The following SYT3 variants were observed in gnomAD, a reference collection of about 807,000 sequenced individuals.
SYT3 encodes synaptotagmin-3.
Under a neutral mutation model 50.6 loss-of-function variants are expected in SYT3, and 25 were observed. That is an observed-to-expected ratio of 0.49 (90% CI 0.36 to 0.69). The LOEUF (loss-of-function observed/expected upper bound fraction) is 0.69. SYT3 is among the 30% of genes least tolerant of loss of function. SYT3 has a pLI of 0.00. For synonymous variants in SYT3, 323 were observed against 353.9 expected (o/e 0.91, Z 0.98); for missense variants, 589 against 793.6 (o/e 0.74, Z 3.10).
intron 6 of SYT3, 85 bp from the exon 7 acceptor site, chr19:50,626,102 C>T: frequency 1.3e-6 from 2 of 1,509,458 alleles, no homozygotes; most frequent in Non-Finnish European, 1.8e-6. Flanking sequence ...GAGCCTCCTG[C>T]TTTACACCCT....
chr19:50,649,893 C>T, the SYT3 span: 2 of 458,352 alleles, frequency 4.4e-6, no homozygotes, highest in South Asian at 1.6e-5. Flanking sequence ...GGCCCCACCG[C>T]CAACCCAGTC....
In SYT3 at chr19:50,632,330, A is replaced by G; in HGVS notation, c.630T>C (p.Ser210=). The G allele has an allele frequency of 6.3e-7, 1 of 1,598,510 alleles. No individual in the cohort carries two copies. Among genetic ancestry groups the G allele is most frequent in the Non-Finnish European group, 8.6e-7 (1 of 1,167,950 alleles). The change falls in exon 4 of 11, where the codon AGT becomes AGC. Residue 210 remains serine (S), a synonymous_variant. Coordinates refer to ENST00000600079, the MANE Select transcript of SYT3 (RefSeq NM_001160329.2). The surrounding 1 kb of genome is among the most constrained non-coding windows in gnomAD (Gnocchi z 4.7). ...LLPPSGGGLP[S]AQSHQQVTSL... ...TTGTGACCTGCTGATGTGACTGGGC[A>G]CTGGGCAAGCCCCCACCACTGGGGG...
At chr19:50,646,052 A>G in the SYT3 span, among the ~76,000 whole-genome samples, 6 of 152,232 alleles carry the variant, frequency 3.9e-5, no homozygotes, top group African/African-American at 1.2e-4. Flanking sequence ...AGAGAGACAC[A>G]GAGGAGCAGA....
chr19:50,651,522 C>T, the SYT3 span, among the ~76,000 whole-genome samples: 1 of 152,102 alleles, frequency 6.6e-6, no homozygotes, highest in Admixed American at 6.5e-5. Flanking sequence ...TCATTCATCT[C>T]TTGGTCCCCA....
At position 50,629,295 on chromosome 19, in the gene SYT3, G is replaced by A. The variant is rs1239295358; in HGVS notation, c.1280C>T (p.Ser427Leu). The A allele has an allele frequency of 4.4e-6, 7 of 1,596,138 alleles. No individual in the cohort carries two copies. Among genetic ancestry groups the A allele is most frequent in the Admixed American group, 3.4e-5 (2 of 58,930 alleles). ...AGGTCAGGGGAGAGGGCCACTGACC[G>A]AGCCGCCCTCCACGATGTCCCTCCA... ...PLWRDIVEGG[S>L]EKADLGELNF... Residue 427 changes from serine (S) to leucine (L), a missense_variant and splice_region_variant, in exon 6 of 11, where the codon TCG (serine) becomes TTG (leucine). Around this residue, in one of 2 missense-constraint regions of SYT3, gnomAD observed 273 missense variants for 439.3 expected, o/e 0.62. Transcript: ENST00000600079.
At chr19:50,644,364 T>C (rs1599824618), upstream of SYT3, among the ~76,000 whole-genome samples, 1 of 150,134 alleles carries the variant, frequency 6.7e-6, no homozygotes, top group Admixed American at 6.6e-5. Context: ...GAGTGGATGG[T>C]TGGGTGCATA....
chr19:50,630,762 G>C (rs1984273795), intron 4 of SYT3, among the ~76,000 whole-genome samples: 1 of 152,096 alleles, frequency 6.6e-6, no homozygotes, highest in Non-Finnish European at 1.5e-5. Context: ...GCCCAGACCT[G>C]TGCATAAACC....
At chr19:50,650,085 C>G in the SYT3 span, among the ~76,000 whole-genome samples, 4 of 152,204 alleles carry the variant, frequency 2.6e-5, no homozygotes, top group African/African-American at 9.7e-5. Flanking sequence ...TTTCTCTCCT[C>G]CTACCTATCC....
the SYT3 span, among the ~76,000 whole-genome samples, chr19:50,653,710 A>G: frequency 6.6e-6 from 1 of 150,692 alleles, no homozygotes; most frequent in African/African-American, 2.4e-5. Flanking sequence ...ACACACACAC[A>G]CACACACACA....
chr19:50,623,248 C>T (rs1360642503), intron 9 of SYT3, among the ~76,000 whole-genome samples: 19 of 152,106 alleles, frequency 1.2e-4, no homozygotes, highest in South Asian at 6.3e-4. Context: ...AATTAATGAA[C>T]GGATGAATGA....
chr19:50,629,976 G>T lies in SYT3; in HGVS notation c.870C>A (p.Gly290=), dbSNP rs1984234794. 1.9e-6 allele frequency: 3 copies of T among 1,613,894 alleles called. No individual in the cohort carries two copies. The highest frequency in any genetic ancestry group is 1.7e-6 in the Non-Finnish European group (2 of 1,179,890). ...GTGCCCCTGTGCCTGCCTCTCCAGAGCCTGGGCCCCCACCGCTCCGCCGGC... is the reference window on the plus strand; with the variant it reads ...GTGCCCCTGTGCCTGCCTCTCCAGATCCTGGGCCCCCACCGCTCCGCCGGC... ...PGGRRSGGGP[G]SGEAGTGAPC... is the part of the protein sequence containing the mutation. The change falls in exon 5 of 11, where the codon GGC becomes GGA. Residue 290 remains glycine, a synonymous_variant. Transcript: ENST00000600079.
At chr19:50,624,561 T>TG (rs1157997738) in intron 9 of SYT3, among the ~76,000 whole-genome samples, 1 of 151,402 alleles carries the variant, frequency 6.6e-6, no homozygotes, top group Non-Finnish European at 1.5e-5. Flanking sequence ...TGACTTTTTT[T>TG]TTTTTTTTTG....
upstream of SYT3, among the ~76,000 whole-genome samples, chr19:50,641,939 G>T (rs893030105): frequency 1.3e-5 from 2 of 152,168 alleles, no homozygotes; most frequent in African/African-American, 4.8e-5. Context: ...AGTAAAAATT[G>T]CTTGCTGCTT....
chr19:50,632,437 C>CTGA lies in SYT3; in HGVS notation c.522_523insTCA (p.Ala174_Val175insSer). 1 of 1,612,578 alleles carries CTGA rather than the reference C, an allele frequency of 6.2e-7. No homozygotes were observed. The highest frequency in any genetic ancestry group is 8.5e-7 in the Non-Finnish European group (1 of 1,179,396). On this transcript the variant is annotated inframe_insertion, in exon 4 of 11. Transcript: ENST00000600079. The surrounding 1 kb of genome is among the most constrained non-coding windows in gnomAD (Gnocchi z 4.7). ...TGGCTCGGTTTGACCCCAGCGGCCA[C>CTGA]TGCTGCTGCTGCAGCCTCTGGATAC... is the stretch of plus-strand genomic sequence containing the variant.
Position 50,636,748 on chromosome 19 carries a change from C to T in SYT3, c.148+516G>A, listed in dbSNP as rs111910668. 6.5e-3 allele frequency among the ~76,000 whole-genome samples: 991 copies of T among 152,314 alleles called. 4 individuals are homozygous for T. Among genetic ancestry groups the T allele is most frequent in the Non-Finnish European group, 0.011 (726 of 68,028 alleles). On this transcript the variant is annotated intron_variant, in intron 3 of 10. Transcript: ENST00000600079. ...AATCATTGAGATGTGCAGAGGACCT[C>T]GCATGCTGCCTGGACCACAGTTGGT... is the stretch of plus-strand genomic sequence containing the variant.
intron 9 of SYT3, among the ~76,000 whole-genome samples, chr19:50,623,383 C>T (rs1294516100): frequency 6.6e-6 from 1 of 151,988 alleles, no homozygotes. Flanking sequence ...GGAAAAAAGC[C>T]CACAGCAGGG....
Position 50,629,934 on chromosome 19 carries a change from G to A in SYT3, c.912C>T (p.Ser304=). 1.2e-6 allele frequency: 2 copies of A among 1,614,050 alleles called. No individual in the cohort carries two copies. Among genetic ancestry groups the A allele is most frequent in the Non-Finnish European group, 1.7e-6 (2 of 1,179,992 alleles). ...AGCCATAGAGGTACCGCAGGGCGAA[G>A]CTGATACGGCCACAGGGTGCCCCTG... ...AGTGAPCGRI[S]FALRYLYGSD... The change falls in exon 5 of 11, where the codon AGC becomes AGT. Residue 304 remains serine (S), a synonymous_variant. Coordinates refer to ENST00000600079, the MANE Select transcript of SYT3 (RefSeq NM_001160329.2).
upstream of SYT3, among the ~76,000 whole-genome samples, chr19:50,642,302 C>A (rs1393993542): frequency 6.6e-6 from 1 of 152,250 alleles, no homozygotes; most frequent in Non-Finnish European, 1.5e-5. Flanking sequence ...CAGAGATGGG[C>A]ACACAGATGG....
In SYT3 at chr19:50,629,984, C is replaced by T. The variant is rs150387707; in HGVS notation, c.862G>A (p.Gly288Ser). 252 of 1,613,612 alleles carry T rather than the reference C, an allele frequency of 1.6e-4. No homozygotes were observed. The highest frequency in any genetic ancestry group is 2.0e-4 in the Non-Finnish European group (241 of 1,179,802). Residue 288 changes from glycine to serine, a missense_variant, in exon 5 of 11, where the codon GGC becomes AGC. Around this residue, in one of 2 missense-constraint regions of SYT3, gnomAD observed 273 missense variants for 439.3 expected, o/e 0.62. Transcript: ENST00000600079. ...GTGCCTGCCTCTCCAGAGCCTGGGCCCCCACCGCTCCGCCGGCCACCAGGG... is the reference window on the plus strand; with the variant it reads ...GTGCCTGCCTCTCCAGAGCCTGGGCTCCCACCGCTCCGCCGGCCACCAGGG... The part of the protein sequence containing the change: ...TGPGGRRSGG[G>S]PGSGEAGTGA...
Sources: gnomAD v4.1 joint callset for allele counts (sites outside exome capture counted in the v4.1 genomes callset) on GRCh38, gnomAD v4.1.1 for gene constraint, gnomAD v4.1.1 regional missense constraint, Gnocchi (gnomAD v3.1) non-coding constraint, MANE v1.5 for transcripts, NCBI Gene and HGNC (gene_info 2026-07-23, HGNC 2026-07-21) for gene names.